Variants in FRMPD4 observed in about 807,000 individuals in gnomAD.
FRMPD4 encodes the protein FERM and PDZ domain containing 4.
FRMPD4 carries 22 observed loss-of-function variants against 94.1 expected under a neutral mutation model. The observed-to-expected ratio is 0.23, with a 90% CI of 0.17 to 0.33. The LOEUF (loss-of-function observed/expected upper bound fraction) is 0.33, where lower values mean the gene tolerates loss of function less well. FRMPD4 is among the 10% of genes least tolerant of loss of function. The pLI, the probability that FRMPD4 is intolerant of heterozygous loss-of-function variation, is 1.00. For missense variants in FRMPD4, 1,111 were observed against 1,339.9 expected (o/e 0.83, Z 2.67); for synonymous variants, 631 against 548.6 (o/e 1.15, Z -2.10).
chrX:12,719,569 G>A (rs915997647), intron 16 of FRMPD4, among the ~76,000 whole-genome samples: 1 of 111,763 alleles, frequency 8.9e-6, no homozygotes, highest in African/African-American at 3.3e-5. Flanking sequence ...TTTCCATACA[G>A]GTCAATGGAA....
chrX:12,156,217 G>A (rs1052130690), intron 1 of FRMPD4, among the ~76,000 whole-genome samples: 3 of 111,670 alleles, frequency 2.7e-5, no homozygotes, highest in African/African-American at 9.8e-5. Context: ...TCTCAAAATA[G>A]TAGTGGTCCC....
At chrX:12,706,250 A>C (rs2041872989) in intron 11 of FRMPD4, among the ~76,000 whole-genome samples, 1 of 112,323 alleles carries the variant, frequency 8.9e-6, no homozygotes, top group Non-Finnish European at 1.9e-5. Context: ...TTATTTAGCA[A>C]GTTCAAACAT....
chrX:12,269,580 T>C (rs1359402833), intron 1 of FRMPD4, among the ~76,000 whole-genome samples: 1 of 112,501 alleles, frequency 8.9e-6, no homozygotes, highest in Non-Finnish European at 1.9e-5. Flanking sequence ...AATGCTATTA[T>C]AGTGGTGGTG....
At chrX:12,539,476 C>T (rs2058379488) in intron 2 of FRMPD4, among the ~76,000 whole-genome samples, 1 of 111,566 alleles carries the variant, frequency 9.0e-6, no homozygotes, top group African/African-American at 3.3e-5. Context: ...AACTGCAAGA[C>T]ACATATTTGT....
In FRMPD4 at chrX:12,706,923, CT is replaced by C. The variant is rs746601138; in HGVS notation, c.1287+26del. ...TTCAAGGCAACATTAGTGGTAATTTCTTTTTTTTTTTTTTTTTTGCTTTCTC... is the reference window on the plus strand; with the variant it reads ...TTCAAGGCAACATTAGTGGTAATTTCTTTTTTTTTTTTTTTTTGCTTTCTC... On this transcript the variant is annotated intron_variant, in intron 12 of 16. Coordinates refer to ENST00000675598, the MANE Select transcript of FRMPD4 (RefSeq NM_001368397.1). 76,009 of 529,145 alleles carry C rather than the reference CT, an allele frequency of 0.14. 1 individual carries two copies. Among genetic ancestry groups the C allele is most frequent in the East Asian group, 0.18 (4,100 of 22,657 alleles). The allele number at this position is 529,145 out of a possible 1,213,427, so 43.6% of individuals were successfully genotyped here.
At chrX:12,192,999 G>A (rs2056508869) in intron 1 of FRMPD4, among the ~76,000 whole-genome samples, 1 of 111,419 alleles carries the variant, frequency 9.0e-6, no homozygotes, top group Admixed American at 9.5e-5. Context: ...AAATTTTGTT[G>A]GGCAAAAATA....
chrX:12,042,389 A>G (rs1007749555), intron 3 of FRMPD4, among the ~76,000 whole-genome samples: 2 of 111,322 alleles, frequency 1.8e-5, no homozygotes, highest in African/African-American at 6.5e-5. Flanking sequence ...AGACTATAGA[A>G]TCTGGCTCTC....
chrX:12,418,825 G>A (rs754440086), intron 1 of FRMPD4, among the ~76,000 whole-genome samples: 66 of 111,559 alleles, frequency 5.9e-4, no homozygotes, highest in Non-Finnish European at 1.0e-3. Flanking sequence ...TATAAATAGC[G>A]GAAAACAGCC....
At chrX:11,865,150 G>A (rs2053711061) in exon 2 of FRMPD4, among the ~76,000 whole-genome samples, 1 of 111,863 alleles carries the variant, frequency 8.9e-6, no homozygotes, top group Non-Finnish European at 1.9e-5. Flanking sequence ...ATCCCATAGA[G>A]TGGAAAATAA....
At chrX:12,109,512 A>G (rs2055334656) in intron 3 of FRMPD4, among the ~76,000 whole-genome samples, 1 of 112,044 alleles carries the variant, frequency 8.9e-6, no homozygotes, top group Admixed American at 9.4e-5. Flanking sequence ...CAATTAAAAG[A>G]ACTAGAGAAG....
At chrX:11,976,055 A>T (rs2147384487) in intron 3 of FRMPD4, among the ~76,000 whole-genome samples, 1 of 111,735 alleles carries the variant, frequency 8.9e-6, no homozygotes, top group South Asian at 3.8e-4. Flanking sequence ...TGGCAGGTAC[A>T]TGGGAGAGCA....
intron 3 of FRMPD4, among the ~76,000 whole-genome samples, chrX:12,092,450 C>T (rs7055443): frequency 0.049 from 5,468 of 111,561 alleles, 347 homozygotes; most frequent in African/African-American, 0.17. Flanking sequence ...GATATTTTCC[C>T]TTTCCATTGC....
chrX:12,244,821 C>G (rs1304566907), intron 1 of FRMPD4, among the ~76,000 whole-genome samples: 1 of 111,652 alleles, frequency 9.0e-6, no homozygotes, highest in African/African-American at 3.3e-5. Context: ...TTTGCAGAGG[C>G]AAGGTGGACA....
chrX:11,871,181 G>A (rs866847337), intron 2 of FRMPD4, among the ~76,000 whole-genome samples: 5 of 112,361 alleles, frequency 4.4e-5, no homozygotes, highest in African/African-American at 1.6e-4. Flanking sequence ...GTTCCCTGGG[G>A]GAGGCATCTC....
intron 4 of FRMPD4, among the ~76,000 whole-genome samples, chrX:12,662,968 T>C (rs779950209): frequency 8.9e-6 from 1 of 112,771 alleles, no homozygotes; most frequent in East Asian, 2.8e-4. Context: ...ATAAACTTTT[T>C]TTCATATGTT....
At chrX:12,667,976 A>G (rs1202130976) in intron 4 of FRMPD4, among the ~76,000 whole-genome samples, 1 of 112,424 alleles carries the variant, frequency 8.9e-6, no homozygotes, top group African/African-American at 3.2e-5. Context: ...ACTCTTCAAA[A>G]GTAGAAAATT....
Position 12,130,537 on chromosome X carries a change from G to C in FRMPD4, c.95+252519G>C, listed in dbSNP as rs773008736. Among the ~76,000 whole-genome samples, 441 of 111,192 alleles carry C rather than the reference G, an allele frequency of 4.0e-3. 1 individual carries two copies. The highest frequency in any genetic ancestry group is 6.3e-3 in the Non-Finnish European group (335 of 53,075). On this transcript the variant is annotated intron_variant, in intron 3 of 18. Coordinates refer to the FRMPD4 transcript ENST00000640291. Reference sequence around the variant, plus strand: ...CTTGATTCCCTCTCCACAATGCCTAGTATATAGTAGATGGTGTATGGTAGA... The same window carrying C: ...CTTGATTCCCTCTCCACAATGCCTACTATATAGTAGATGGTGTATGGTAGA...
intron 3 of FRMPD4, among the ~76,000 whole-genome samples, chrX:12,118,792 G>T (rs1012710512): frequency 2.2e-4 from 25 of 112,233 alleles, no homozygotes; most frequent in Non-Finnish European, 4.7e-4. Context: ...GAATCAAAAT[G>T]CAGCCAAGCT....
chrX:12,316,342 G>A lies in FRMPD4; in HGVS notation c.41+177330G>A, dbSNP rs1216399004. Among the ~76,000 whole-genome samples, 8 of 109,058 alleles carry A rather than the reference G, an allele frequency of 7.3e-5. No homozygotes were observed. The East Asian group carries it at 1.7e-3, about 24-fold the overall frequency. 94.7% of individuals were successfully genotyped at this position (109,058 alleles called of 115,157 possible). A position where few individuals can be genotyped will look rare whatever the true frequency, so the allele number is the denominator to read the frequency against. ...TTGTGTTTTTTTTTTTAGTAGAGACGAGGTTTCACCATGTTGGCCAGGCTG... is the reference window on the plus strand; with the variant it reads ...TTGTGTTTTTTTTTTTAGTAGAGACAAGGTTTCACCATGTTGGCCAGGCTG... On this transcript the variant is annotated intron_variant, in intron 1 of 16. Coordinates refer to ENST00000675598, the MANE Select transcript of FRMPD4 (RefSeq NM_001368397.1).
Sources: allele counts gnomAD v4.1 joint callset (sites outside exome capture counted in the v4.1 genomes callset), GRCh38; gene constraint gnomAD v4.1.1; transcripts MANE v1.5; gene names NCBI Gene and HGNC (gene_info 2026-07-23, HGNC 2026-07-21).